DHX29: variants seen among roughly 807,000 people sequenced by gnomAD.
DHX29 encodes the protein DExH-box helicase 29.
Under a neutral mutation model 167.9 loss-of-function variants are expected in DHX29, and 79 were observed. That is an observed-to-expected ratio of 0.47 (90% CI 0.39 to 0.57). The LOEUF (loss-of-function observed/expected upper bound fraction) is 0.57. Among genes scored for constraint, DHX29 ranks in the 20% least tolerant of loss-of-function variants. The probability of loss-of-function intolerance (pLI) is 0.00; values close to 1 mark genes in which losing one functional copy is unlikely to be tolerated. For synonymous variants in DHX29, 530 were observed against 546.0 expected (o/e 0.97, Z 0.41); for missense variants, 1,347 against 1,593.4 (o/e 0.85, Z 2.63).
chr5:55,284,596 G>A (rs552566412), intron 10 of DHX29, among the ~76,000 whole-genome samples: 45 of 152,198 alleles, frequency 3.0e-4, no homozygotes, highest in African/African-American at 7.7e-4. Flanking sequence ...AATTTCCTAC[G>A]AAGAAAGAAA....
intron 1 of DHX29, among the ~76,000 whole-genome samples, chr5:55,306,662 T>C (rs1274091096): frequency 6.6e-6 from 1 of 152,182 alleles, no homozygotes; most frequent in East Asian, 1.9e-4. Context: ...TATATACACA[T>C]AAATGCTCAG....
rs1434414156 is a variant in DHX29 at position 55,297,200 on chromosome 5, T to C, written c.375+85A>G. 7 of 660,014 alleles carry C rather than the reference T, an allele frequency of 1.1e-5. No individual in the cohort carries two copies. The East Asian group carries it at 1.8e-4, about 17-fold the overall frequency. The allele number at this position is 660,014 out of a possible 1,614,324, so 40.9% of individuals were successfully genotyped here. On this transcript the variant is annotated intron_variant, in intron 3 of 26. Coordinates refer to ENST00000251636, the MANE Select transcript of DHX29 (RefSeq NM_019030.4). ...GATCTACATAAAATCTCAATGGAAG[T>C]TGTAAAGCCATTTTTATCTCACATG...
At chr5:55,298,540 G>GA in intron 2 of DHX29, 51 bp downstream of exon 2, 2 of 1,134,492 alleles carry the variant, frequency 1.8e-6, no homozygotes, top group Non-Finnish European at 2.6e-6. Flanking sequence ...TTTTTTGGGG[G>GA]AAAAAAGGGG....
Position 55,270,588 on chromosome 5 carries a change from T to C in DHX29, c.2983A>G (p.Thr995Ala), listed in dbSNP as rs267600656. ...AGTGCTATGCCATACCTTTCTCTTG[T>C]GTACATTCGGAAACAGAAGCCATCT... ...VRDGFCFRMY[T>A]RERFEGFMDY... is the part of the protein sequence containing the mutation. Residue 995 changes from threonine to alanine, a missense_variant, in exon 19 of 27, where the codon ACA (threonine) becomes GCA (alanine). By Grantham distance (58) the Thr-to-Ala change is moderately conservative. Around this residue, in one of 3 missense-constraint regions of DHX29, gnomAD observed 882 missense variants for 1,082.4 expected, o/e 0.81. Transcript: ENST00000251636. The C allele has an allele frequency of 6.2e-7, 1 of 1,614,214 alleles. No homozygotes were observed. Among genetic ancestry groups the C allele is most frequent in the South Asian group, 1.1e-5 (1 of 91,080 alleles).
At chr5:55,284,084 T>C (rs1350085875) in intron 10 of DHX29, among the ~76,000 whole-genome samples, 3 of 152,342 alleles carry the variant, frequency 2.0e-5, no homozygotes, top group African/African-American at 7.2e-5. Context: ...TATTCAGGCT[T>C]CTTGACTGAC....
Position 55,274,685 on chromosome 5 carries a change from A to C in DHX29, c.2619T>G (p.Phe873Leu), listed in dbSNP as rs929912949. The change falls in exon 16 of 27, where the codon TTT becomes TTG. Residue 873 changes from phenylalanine (F) to leucine (L), a missense_variant. By Grantham distance (22) the Phe-to-Leu change is conservative. This residue lies in a region of DHX29 where 882 missense variants were observed against 1,082.4 expected (regional missense o/e 0.81). Transcript: ENST00000251636. ...GCTGAATATGAGCAAGTCCTGGTAA[A>C]AAGATCAATACTGCTCCTTCAATAT... ...FRNIEGAVLI[F>L]LPGLAHIQQL... 6.2e-7 allele frequency: 1 copy of C among 1,604,208 alleles called. No individual in the cohort carries two copies. Among genetic ancestry groups the C allele is most frequent in the African/African-American group, 1.3e-5 (1 of 74,312 alleles).
At chr5:55,293,643 T>C (rs1038737188) in intron 6 of DHX29, among the ~76,000 whole-genome samples, 2 of 152,196 alleles carry the variant, frequency 1.3e-5, no homozygotes, top group Non-Finnish European at 2.9e-5. Flanking sequence ...CTTTTTTGAC[T>C]TAGTATATTT....
chr5:55,296,399 T>G (rs758131684), intron 3 of DHX29, 50 bp from the exon 4 acceptor site: 1 of 1,570,444 alleles, frequency 6.4e-7, no homozygotes, highest in South Asian at 1.2e-5. Context: ...GTTCCCTTCC[T>G]GTGTTACTAA....
At position 55,294,142 on chromosome 5, in the gene DHX29, T is replaced by C; in HGVS notation, c.655A>G (p.Lys219Glu). The C allele has an allele frequency of 6.3e-7, 1 of 1,587,578 alleles. No homozygotes were observed. The highest frequency in any genetic ancestry group is 8.5e-7 in the Non-Finnish European group (1 of 1,171,504). The change falls in exon 6 of 27, where the codon AAA (lysine) becomes GAA (glutamate). Residue 219 changes from lysine to glutamate, a missense_variant. By Grantham distance (56) the Lys-to-Glu change is moderately conservative. Around this residue, in one of 3 missense-constraint regions of DHX29, gnomAD observed 405 missense variants for 416.8 expected, o/e 0.97. Transcript: ENST00000251636. ...TYEEDPKSKP[K>E]KEEKNMEVNM... ...ACTTCCATATTTTTTTCTTCCTTTT[T>C]TGGCTAGAAAGAGAAAACAAATATC...
rs1479559192 is a variant in DHX29 at position 55,257,247 on chromosome 5, T to G, written c.4058-707A>C. Among the ~76,000 whole-genome samples, 3 of 152,186 alleles carry G rather than the reference T, an allele frequency of 2.0e-5. No individual in the cohort carries two copies. In the South Asian group the frequency reaches 6.2e-4, roughly 32 times the overall value. ...CAACCACTCTTTAGGAAGTTACAAT[T>G]ATCAGGGCTGCAAAACTGAAATTCT... On this transcript the variant is annotated intron_variant, in intron 26 of 26. Coordinates refer to ENST00000251636, the MANE Select transcript of DHX29 (RefSeq NM_019030.4).
At chr5:55,283,840 T>C (rs1747575571) in intron 10 of DHX29, 29 bp from the exon 11 acceptor site, 1 of 1,526,622 alleles carries the variant, frequency 6.6e-7, no homozygotes, top group Non-Finnish European at 8.8e-7. Flanking sequence ...TATGTTATTT[T>C]CACTAACTAT....
At chr5:55,288,355 T>C (rs1486749478) in intron 8 of DHX29, among the ~76,000 whole-genome samples, 3 of 151,618 alleles carry the variant, frequency 2.0e-5, no homozygotes, top group African/African-American at 7.3e-5. Context: ...AAACCTATAA[T>C]GCAATGTGAT....
intron 8 of DHX29, among the ~76,000 whole-genome samples, chr5:55,288,947 T>A (rs1021428488): frequency 7.9e-5 from 12 of 152,234 alleles, no homozygotes; most frequent in Non-Finnish European, 1.6e-4. Context: ...TTGGACTTGT[T>A]ACTGATGTCA....
intron 10 of DHX29, among the ~76,000 whole-genome samples, chr5:55,284,948 C>G (rs1747639697): frequency 6.6e-6 from 1 of 152,142 alleles, no homozygotes; most frequent in South Asian, 2.1e-4. Context: ...GCAGGAGGAT[C>G]ACTTGAGGCT....
chr5:55,266,548 A>ATTTT (rs563215075), intron 23 of DHX29, among the ~76,000 whole-genome samples: 5 of 138,080 alleles, frequency 3.6e-5, no homozygotes, highest in Admixed American at 7.2e-5. Flanking sequence ...ACCTCAGGTG[A>ATTTT]TTTTTTTTTT....
intron 18 of DHX29, among the ~76,000 whole-genome samples, chr5:55,271,821 A>T (rs1746866323): frequency 6.6e-6 from 1 of 152,142 alleles, no homozygotes; most frequent in Admixed American, 6.5e-5. Flanking sequence ...TATCTATAAA[A>T]ATTTATGTTC....
chr5:55,291,652 T>G (rs1748052056), intron 6 of DHX29, among the ~76,000 whole-genome samples: 1 of 152,144 alleles, frequency 6.6e-6, no homozygotes. Context: ...AACATGAAAC[T>G]CTATTCCCAT....
chr5:55,271,921 C>G (rs948509156), intron 18 of DHX29, among the ~76,000 whole-genome samples, 166 bp downstream of exon 18: 13 of 152,240 alleles, frequency 8.5e-5, no homozygotes, highest in Admixed American at 6.5e-5. Flanking sequence ...GACATTTACT[C>G]TCAGATATTT....
At chr5:55,298,773 G>A in intron 1 of DHX29, 109 bp from the exon 2 acceptor site, 1 of 496,952 alleles carries the variant, frequency 2.0e-6, no homozygotes, top group Non-Finnish European at 3.8e-6. Flanking sequence ...GCTCACGCCT[G>A]TAATCCCAGC....
Sources: allele counts gnomAD v4.1 joint callset (sites outside exome capture counted in the v4.1 genomes callset), GRCh38; gene constraint gnomAD v4.1.1; regional missense constraint gnomAD v4.1.1; transcripts MANE v1.5; gene names NCBI Gene and HGNC (gene_info 2026-07-23, HGNC 2026-07-21).